OPCML: variants seen among roughly 807,000 people sequenced by gnomAD.
OPCML encodes opioid-binding protein/cell adhesion molecule.
OPCML carries 13 observed loss-of-function variants against 37.8 expected under a neutral mutation model. That is an observed-to-expected ratio of 0.34 (90% confidence interval 0.22 to 0.55). The LOEUF (loss-of-function observed/expected upper bound fraction) is 0.55. Among genes scored for constraint, OPCML ranks in the 20% least tolerant of loss-of-function variants. The probability of loss-of-function intolerance (pLI) is 0.91; values close to 1 mark genes in which losing one functional copy is unlikely to be tolerated. For synonymous variants in OPCML, 176 were observed against 168.8 expected (o/e 1.04, Z -0.33); for missense variants, 341 against 435.6 (o/e 0.78, Z 1.93).
intron 4 of OPCML, among the ~76,000 whole-genome samples, chr11:132,462,964 G>C (rs1318612632): frequency 6.6e-6 from 1 of 152,144 alleles, no homozygotes; most frequent in Non-Finnish European, 1.5e-5. Flanking sequence ...TGACCACTCT[G>C]CACCTGCTGC....
intron 1 of OPCML, among the ~76,000 whole-genome samples, chr11:133,400,527 T>C (rs1945379761): frequency 6.6e-6 from 1 of 152,198 alleles, no homozygotes; most frequent in East Asian, 1.9e-4. Flanking sequence ...AAAACAACGC[T>C]TTGCAGTTCT....
At chr11:133,117,972 T>C (rs1949362407) in intron 1 of OPCML, 8 of 979,480 alleles carry the variant, frequency 8.2e-6, no homozygotes, top group Non-Finnish European at 8.5e-6. Context: ...CTTGGGGAAC[T>C]GCAAGTGGAG....
intron 1 of OPCML, among the ~76,000 whole-genome samples, chr11:133,529,046 G>C (rs1389338120): frequency 6.6e-6 from 1 of 152,194 alleles, no homozygotes; most frequent in East Asian, 1.9e-4. Context: ...ACTCCACCCT[G>C]CCCCATGGCC....
intron 1 of OPCML, among the ~76,000 whole-genome samples, chr11:133,188,319 T>A (rs1179250596): frequency 6.6e-6 from 1 of 152,182 alleles, no homozygotes; most frequent in Non-Finnish European, 1.5e-5. Flanking sequence ...CATCTGTCTT[T>A]ATCACTGGCT....
chr11:132,916,161 A>G (rs1181327687), intron 2 of OPCML, among the ~76,000 whole-genome samples: 1 of 152,140 alleles, frequency 6.6e-6, no homozygotes, highest in African/African-American at 2.4e-5. Context: ...GTGTAGTTTT[A>G]CCCATTTCTA....
intron 1 of OPCML, among the ~76,000 whole-genome samples, chr11:132,981,917 A>C (rs1236982694): frequency 6.6e-6 from 1 of 152,170 alleles, no homozygotes; most frequent in Non-Finnish European, 1.5e-5. Flanking sequence ...AAGGAGAAAA[A>C]TGAAGGTTTA....
intron 1 of OPCML, among the ~76,000 whole-genome samples, chr11:133,134,061 G>A (rs541451019): frequency 3.3e-5 from 5 of 152,168 alleles, no homozygotes; most frequent in African/African-American, 9.6e-5. Flanking sequence ...TATCATCCCT[G>A]CCACATAATG....
intron 4 of OPCML, among the ~76,000 whole-genome samples, chr11:132,457,186 G>C (rs2096085379): frequency 6.6e-6 from 1 of 152,186 alleles, no homozygotes. Context: ...GAAGCACAGA[G>C]ATAGAGGGAG....
At chr11:133,182,527 C>T (rs1052262226) in intron 1 of OPCML, among the ~76,000 whole-genome samples, 11 of 152,120 alleles carry the variant, frequency 7.2e-5, no homozygotes, top group African/African-American at 1.2e-4. Context: ...AGAAAGCAGC[C>T]GCCTGGATGC....
intron 1 of OPCML, among the ~76,000 whole-genome samples, chr11:133,483,795 TGATAGATA>T (rs61121084): frequency 2.3e-4 from 30 of 132,428 alleles, no homozygotes; most frequent in East Asian, 6.7e-4. Context: ...GATACATAGA[TGATAGATA>T]GATAGATAGA....
chr11:132,950,524 G>A (rs1164372164), intron 1 of OPCML, among the ~76,000 whole-genome samples: 1 of 152,194 alleles, frequency 6.6e-6, no homozygotes, highest in Non-Finnish European at 1.5e-5. Flanking sequence ...TCACCTCTAT[G>A]AGACAGTCAA....
intron 3 of OPCML, among the ~76,000 whole-genome samples, chr11:132,601,642 G>T (rs1199040174): frequency 6.6e-6 from 1 of 152,176 alleles, no homozygotes; most frequent in Non-Finnish European, 1.5e-5. Flanking sequence ...TATTTAGGAA[G>T]AGGTTTAGTT....
intron 4 of OPCML, among the ~76,000 whole-genome samples, chr11:132,490,214 T>C (rs1489956746): frequency 6.6e-6 from 1 of 151,790 alleles, no homozygotes; most frequent in Non-Finnish European, 1.5e-5. Context: ...TTCCTTCTGC[T>C]TGCTATACTG....
At chr11:133,061,552 C>T (rs1324961274) in intron 1 of OPCML, among the ~76,000 whole-genome samples, 1 of 152,184 alleles carries the variant, frequency 6.6e-6, no homozygotes, top group Non-Finnish European at 1.5e-5. Flanking sequence ...GATGTAAACA[C>T]TAATATTTTC....
At chr11:132,522,652 T>G (rs2096296787) in intron 4 of OPCML, among the ~76,000 whole-genome samples, 1 of 152,248 alleles carries the variant, frequency 6.6e-6, no homozygotes, top group Non-Finnish European at 1.5e-5. Context: ...GTTCCCATTT[T>G]GCAGTAAAGG....
At chr11:133,303,071 G>C (rs1942820046) in intron 1 of OPCML, among the ~76,000 whole-genome samples, 1 of 152,146 alleles carries the variant, frequency 6.6e-6, no homozygotes, top group African/African-American at 2.4e-5. Context: ...GGATGACTTA[G>C]GCTGATCGTG....
At chr11:132,853,351 G>C (rs1374661905) in intron 2 of OPCML, among the ~76,000 whole-genome samples, 1 of 152,002 alleles carries the variant, frequency 6.6e-6, no homozygotes, top group Non-Finnish European at 1.5e-5. Flanking sequence ...ATATTTGGAG[G>C]ATCTGCATAA....
chr11:132,555,651 A>C (rs1420596543), intron 3 of OPCML, among the ~76,000 whole-genome samples: 1 of 152,242 alleles, frequency 6.6e-6, no homozygotes, highest in African/African-American at 2.4e-5. Context: ...ACAAACCCTC[A>C]AGTCTGAAGA....
rs75793580 is a variant in OPCML at position 132,554,183 on chromosome 11, C to A, written c.380-24997G>T. Among the ~76,000 whole-genome samples the A allele has an allele frequency of 0.01, 1,540 of 152,268 alleles. 131 individuals carry two copies. In the East Asian group the frequency reaches 0.21, roughly 20 times the overall value. ...CCACTCTGACAGACAAATTATCAGG[C>A]AAATTCCGATTTCCTTCACCCCATG... On this transcript the variant is annotated intron_variant, in intron 3 of 7. Coordinates refer to ENST00000524381, the MANE Select transcript of OPCML (RefSeq NM_001012393.5).
Sources: gnomAD v4.1 joint callset for allele counts (sites outside exome capture counted in the v4.1 genomes callset) on GRCh38, gnomAD v4.1.1 for gene constraint, MANE v1.5 for transcripts, NCBI Gene and HGNC (gene_info 2026-07-23, HGNC 2026-07-21) for gene names.